PTN: variants seen among roughly 807,000 people sequenced by gnomAD.
PTN encodes heparin affin regulatory protein.
Under a neutral mutation model 24.1 loss-of-function variants are expected in PTN, and 18 were observed. The observed-to-expected ratio is 0.75, with a 90% CI of 0.52 to 1.11. The LOEUF is 1.11. Among genes scored for constraint, PTN ranks in the 50% least tolerant of loss-of-function variants. The pLI is 0.00. For missense variants in PTN, 163 were observed against 198.8 expected (o/e 0.82, Z 1.08); for synonymous variants, 78 against 68.6 (o/e 1.14, Z -0.67).
At chr7:137,342,008 T>C in intron 1 of PTN, among the ~76,000 whole-genome samples, 1 of 152,342 alleles carries the variant, frequency 6.6e-6, no homozygotes, top group Non-Finnish European at 1.5e-5. Flanking sequence ...TTTAAACGAC[T>C]TGGCCTTTAA....
At chr7:137,280,949 T>C (rs974961775) in intron 1 of PTN, among the ~76,000 whole-genome samples, 6 of 150,356 alleles carry the variant, frequency 4.0e-5, no homozygotes, top group African/African-American at 1.5e-4. Flanking sequence ...AGGTGCTCCA[T>C]AGGGATTAGC....
chr7:137,249,272 CGT>C (rs60014659), intron 4 of PTN, among the ~76,000 whole-genome samples: 8,238 of 144,934 alleles, frequency 0.057, 234 homozygotes, highest in East Asian at 0.062. Flanking sequence ...GGACAGTGCA[CGT>C]GTGTGTGTGT....
chr7:137,296,846 A>C (rs75613360), intron 1 of PTN, among the ~76,000 whole-genome samples: 4,181 of 151,852 alleles, frequency 0.028, 269 homozygotes, highest in East Asian at 0.27. Flanking sequence ...TCTCCACCAA[A>C]CCCCCCAAAT....
chr7:137,236,309 T>G, intron 4 of PTN: 1 of 701,314 alleles, frequency 1.4e-6, no homozygotes, highest in Non-Finnish European at 2.6e-6. Context: ...GGATGCACTT[T>G]CTTTACACAG....
intron 4 of PTN, among the ~76,000 whole-genome samples, chr7:137,248,635 G>A (rs576840565): frequency 1.3e-5 from 2 of 152,120 alleles, no homozygotes; most frequent in East Asian, 1.9e-4. Context: ...GGCCGAGATC[G>A]CCTCACTGCC....
At chr7:137,237,624 A>G (rs1808546947) in intron 4 of PTN, among the ~76,000 whole-genome samples, 1 of 152,196 alleles carries the variant, frequency 6.6e-6, no homozygotes, top group Non-Finnish European at 1.5e-5. Flanking sequence ...TATGCTCACC[A>G]GTGATTTCAC....
chr7:137,275,466 A>G (rs887534794), intron 1 of PTN, among the ~76,000 whole-genome samples: 3 of 152,214 alleles, frequency 2.0e-5, no homozygotes, highest in Non-Finnish European at 4.4e-5. Flanking sequence ...ATGTGATATT[A>G]GAAACCCTAC....
At chr7:137,343,349 A>G in intron 1 of PTN, 90 bp downstream of exon 1, 1 of 402,312 alleles carries the variant, frequency 2.5e-6, no homozygotes, top group South Asian at 1.8e-5. Flanking sequence ...CCCTACCACC[A>G]TCATCTGCTG....
chr7:137,327,740 A>G (rs182807282), intron 1 of PTN, among the ~76,000 whole-genome samples: 186 of 152,172 alleles, frequency 1.2e-3, no homozygotes, highest in African/African-American at 4.4e-3. Context: ...CTCTTTTATC[A>G]TTTCATTTTA....
At chr7:137,308,924 T>G (rs1026468328) in intron 1 of PTN, among the ~76,000 whole-genome samples, 1 of 152,160 alleles carries the variant, frequency 6.6e-6, no homozygotes, top group Non-Finnish European at 1.5e-5. Flanking sequence ...ACCTAACAGG[T>G]TCACTTATTC....
At chr7:137,304,307 T>C (rs1809852473) in intron 1 of PTN, among the ~76,000 whole-genome samples, 1 of 151,850 alleles carries the variant, frequency 6.6e-6, no homozygotes, top group Non-Finnish European at 1.5e-5. Context: ...ATTCAAAAGG[T>C]GGCCACTCTT....
At position 137,295,708 on chromosome 7, in the gene PTN, C is replaced by T. The variant is rs1880789; in HGVS notation, c.-1-40734G>A. Among the ~76,000 whole-genome samples the T allele has an allele frequency of 9.2e-3, 1,395 of 151,478 alleles. 25 individuals are homozygous for T. Among genetic ancestry groups the T allele is most frequent in the African/African-American group, 0.032 (1,325 of 41,332 alleles). On this transcript the variant is annotated intron_variant, in intron 1 of 4. Transcript: ENST00000348225. ...ATCTGTTTATTTTTCCTTTTTTTCACGTGGTTTTAAAAAAGTTAAGATTAC... is the reference window on the plus strand; with the variant it reads ...ATCTGTTTATTTTTCCTTTTTTTCATGTGGTTTTAAAAAAGTTAAGATTAC...
intron 4 of PTN, among the ~76,000 whole-genome samples, chr7:137,233,189 C>T (rs1010544637): frequency 1.3e-4 from 20 of 151,772 alleles, no homozygotes; most frequent in Non-Finnish European, 2.1e-4. Context: ...CCTTTAGGTA[C>T]GGTGAGACAA....
chr7:137,265,834 C>T (rs322307), intron 1 of PTN, among the ~76,000 whole-genome samples: 13,813 of 151,652 alleles, frequency 0.091, 688 homozygotes, highest in Non-Finnish European at 0.11. Context: ...ATCTTAATTG[C>T]CAAAGTTTGT....
At chr7:137,242,283 C>CA (rs1808644212) in intron 4 of PTN, among the ~76,000 whole-genome samples, 2 of 151,894 alleles carry the variant, frequency 1.3e-5, no homozygotes, top group South Asian at 4.2e-4. Context: ...GGCGGCTTTC[C>CA]AAAAAAGAGC....
At chr7:137,328,279 A>G (rs924862598) in intron 1 of PTN, among the ~76,000 whole-genome samples, 7 of 152,140 alleles carry the variant, frequency 4.6e-5, no homozygotes, top group Non-Finnish European at 8.8e-5. Flanking sequence ...GTCAAACTAC[A>G]TCAATACCAG....
chr7:137,295,985 G>T (rs1809712255), intron 1 of PTN, among the ~76,000 whole-genome samples: 1 of 151,938 alleles, frequency 6.6e-6, no homozygotes, highest in South Asian at 2.1e-4. Flanking sequence ...AGTGATTAGT[G>T]AACAAGATTC....
At chr7:137,342,417 A>G (rs1810548319) in intron 1 of PTN, among the ~76,000 whole-genome samples, 1 of 152,026 alleles carries the variant, frequency 6.6e-6, no homozygotes, top group Non-Finnish European at 1.5e-5. Flanking sequence ...TCCTCTTAGC[A>G]CCCCTACCCC....
At position 137,265,004 on chromosome 7, in the gene PTN, GT is replaced by G. The variant is rs1446262345; in HGVS notation, c.-1-10031del. Among the ~76,000 whole-genome samples, 20 of 146,928 alleles carry G rather than the reference GT, an allele frequency of 1.4e-4. No homozygotes were observed. The East Asian group carries it at 4.1e-3, about 30-fold the overall frequency. On this transcript the variant is annotated intron_variant, in intron 1 of 4. Transcript: ENST00000348225. ...TTTTTTTTTTTTTGACACATAGAGT[GT>G]AAAAAGTTTTGTCAGGTCAGGTGGC... is the stretch of plus-strand genomic sequence containing the variant.
Sources: allele counts gnomAD v4.1 joint callset (sites outside exome capture counted in the v4.1 genomes callset), GRCh38; gene constraint gnomAD v4.1.1; transcripts MANE v1.5; gene names NCBI Gene and HGNC (gene_info 2026-07-23, HGNC 2026-07-21).